Variants in IFT172 observed in about 807,000 individuals in gnomAD.
The protein encoded by IFT172 is intraflagellar transport 172.
A neutral mutation model predicts 248.9 loss-of-function variants in IFT172; 164 were observed. The ratio of observed to expected loss-of-function variants is 0.66; its 90% confidence interval spans 0.58 to 0.75. The LOEUF is 0.75. IFT172 is among the 30% of genes least tolerant of loss of function. The pLI, the probability that IFT172 is intolerant of heterozygous loss-of-function variation, is 0.00. For synonymous variants in IFT172, 729 were observed against 791.6 expected, an observed-to-expected ratio of 0.92 and a Z score of 1.33; for missense variants, 1,950 against 2,192.4, an observed-to-expected ratio of 0.89 and a Z score of 2.21.
Position 27,458,202 on chromosome 2 carries a change from G to A in IFT172, c.2899C>T (p.Pro967Ser), listed in dbSNP as rs1666330287. Reference protein sequence around the residue: ...AHKLAMKCMRPEDVSVLYITQ... With the variant: ...AHKLAMKCMRSEDVSVLYITQ... Reference sequence around the variant, plus strand: ...ATGTATAGCACTGACACATCTTCTGGTCTCATGCATTTCATCGCCAGCTGT... The same window carrying A: ...ATGTATAGCACTGACACATCTTCTGATCTCATGCATTTCATCGCCAGCTGT... Residue 967 changes from proline (P) to serine (S), a missense_variant, in exon 27 of 48, where the codon CCA becomes TCA. Transcript: ENST00000260570. 3.1e-6 allele frequency: 5 copies of A among 1,613,982 alleles called. No homozygotes were observed. Among genetic ancestry groups the A allele is most frequent in the African/African-American group, 1.3e-5 (1 of 74,874 alleles).
chr2:27,444,901 G>C, intron 47 of IFT172, 113 bp downstream of exon 47: 1 of 1,136,644 alleles, frequency 8.8e-7, no homozygotes, highest in Non-Finnish European at 1.2e-6. Flanking sequence ...CGCCCACCTT[G>C]GCCTCCCAAA....
Position 27,454,215 on chromosome 2 carries a change from T to C in IFT172, c.3531-53A>G, listed in dbSNP as rs984642533. On this transcript the variant is annotated intron_variant, in intron 32 of 47. Transcript: ENST00000260570. This position sits in a 1 kb window ranked among gnomAD's most constrained non-coding sequence, Gnocchi z 4.2. ...ACTGAGTATAGGACTGAGGCCCCAA[T>C]AGTGGGAGACAAACAGCCATGTCAC... The C allele has an allele frequency of 3.0e-5, 48 of 1,599,918 alleles. No homozygotes were observed. Among genetic ancestry groups the C allele is most frequent in the Non-Finnish European group, 3.5e-5 (41 of 1,169,452 alleles).
intron 16 of IFT172, among the ~76,000 whole-genome samples, chr2:27,469,740 G>A (rs956168701): frequency 1.3e-5 from 2 of 152,176 alleles, no homozygotes; most frequent in Non-Finnish European, 2.9e-5. Context: ...GCTGAGGCAG[G>A]AGACTCTCTT....
chr2:27,461,240 T>C (rs1346936550), intron 22 of IFT172, 29 bp downstream of exon 22: 1 of 1,613,048 alleles, frequency 6.2e-7, no homozygotes, highest in East Asian at 2.2e-5. Context: ...GCTCTGGAGA[T>C]AAGGGCTAGG....
chr2:27,489,301 CT>C (rs1668991297), intron 1 of IFT172, among the ~76,000 whole-genome samples: 1 of 152,206 alleles, frequency 6.6e-6, no homozygotes, highest in Non-Finnish European at 1.5e-5. Context: ...ATACTCGCTG[CT>C]TACATGTGCA....
chr2:27,470,303 GAGA>G (rs774361470), intron 16 of IFT172, among the ~76,000 whole-genome samples: 22 of 151,658 alleles, frequency 1.5e-4, no homozygotes, highest in Non-Finnish European at 2.6e-4. Context: ...GAGTAAAAGA[GAGA>G]AGGAGAGAAA....
intron 1 of IFT172, among the ~76,000 whole-genome samples, chr2:27,487,567 T>G (rs1023640302): frequency 6.6e-6 from 1 of 152,170 alleles, no homozygotes; most frequent in African/African-American, 2.4e-5. Context: ...ATACAGTTTG[T>G]AAGTGGTAGG....
In IFT172 at chr2:27,478,106, G is replaced by A; in HGVS notation, c.1056C>T (p.His352=). The change falls in exon 11 of 48, where the codon CAC becomes CAT. Residue 352 remains histidine (H), a synonymous_variant. Transcript: ENST00000260570. ...SSGTRVVLKS[H]YGYEVEEVKI... is the part of the protein sequence containing the mutation. ...TCACCTCTTCCACCTCATAGCCATA[G>A]TGTGACTTGAGCACCACTCGGGTTC... is the stretch of plus-strand genomic sequence containing the variant. The A allele has an allele frequency of 1.2e-6, 2 of 1,614,138 alleles. No homozygotes were observed. The highest frequency in any genetic ancestry group is 1.7e-6 in the Non-Finnish European group (2 of 1,180,034).
chr2:27,481,052 T>C lies in IFT172; in HGVS notation c.779A>G (p.Tyr260Cys). Reference sequence around the variant, plus strand: ...AACTGGAAAGGGGACTTACCTGTCATAACTTCCTAGCACAACAGACTGGCC... The same window carrying C: ...AACTGGAAAGGGGACTTACCTGTCACAACTTCCTAGCACAACAGACTGGCC... ...PGGQSVVLGS[Y>C]DRLRVFNWIP... is the part of the protein sequence containing the mutation. The change falls in exon 8 of 48, where the codon TAT becomes TGT. Residue 260 changes from tyrosine (Y) to cysteine (C), a missense_variant. This residue lies in a region of IFT172 where 1,166 missense variants were observed against 1,254.1 expected (regional missense o/e 0.93). Transcript: ENST00000260570. The C allele has an allele frequency of 2.5e-6, 4 of 1,613,438 alleles. No individual in the cohort carries two copies. The highest frequency in any genetic ancestry group is 3.4e-6 in the Non-Finnish European group (4 of 1,179,484).
intron 14 of IFT172, among the ~76,000 whole-genome samples, chr2:27,473,666 G>A (rs983866370): frequency 6.6e-6 from 1 of 151,870 alleles, no homozygotes; most frequent in Non-Finnish European, 1.5e-5. Flanking sequence ...CTAGAGTGGC[G>A]ACGGCCCTAA....
intron 16 of IFT172, among the ~76,000 whole-genome samples, chr2:27,468,893 A>G (rs2148523502): frequency 6.6e-6 from 1 of 151,878 alleles, no homozygotes; most frequent in South Asian, 2.1e-4. Flanking sequence ...AAGAGAAAAG[A>G]CAGATCACCT....
At chr2:27,486,447 C>G (rs1668770463) in intron 1 of IFT172, among the ~76,000 whole-genome samples, 1 of 152,246 alleles carries the variant, frequency 6.6e-6, no homozygotes, top group Non-Finnish European at 1.5e-5. Flanking sequence ...AGCTCTGCTA[C>G]TAAGGGTTTC....
At chr2:27,455,437 G>C (rs558762289) in intron 30 of IFT172, 2 of 233,384 alleles carry the variant, frequency 8.6e-6, no homozygotes, top group East Asian at 3.3e-4. Context: ...TGCCGGGCGC[G>C]GTGGCTCACG....
At position 27,478,005 on chromosome 2, in the gene IFT172, C is replaced by T. The variant is rs137868356; in HGVS notation, c.1157G>A (p.Arg386Gln). The T allele has an allele frequency of 1.6e-5, 26 of 1,613,996 alleles. 1 individual carries two copies. Among genetic ancestry groups the T allele is most frequent in the South Asian group, 1.3e-4 (12 of 91,086 alleles). Residue 386 changes from arginine (R) to glutamine (Q), a missense_variant, in exon 11 of 48, where the codon CGG becomes CAG. By Grantham distance (43) the Arg-to-Gln change is conservative (BLOSUM62 1). Coordinates refer to ENST00000260570, the MANE Select transcript of IFT172 (RefSeq NM_015662.3). Reference sequence around the variant, plus strand: ...AATTTTGGTTCCTACCTCACTAAGCCGATTAGTGTTCAGGTCCCCCAGCAG... The same window carrying T: ...AATTTTGGTTCCTACCTCACTAAGCTGATTAGTGTTCAGGTCCCCCAGCAG... Reference protein sequence around the residue: ...TLLLGDLNTNRLSEIAWQGSG... With the variant: ...TLLLGDLNTNQLSEIAWQGSG...
In IFT172 at chr2:27,456,522, A is replaced by G. The variant is rs780341926; in HGVS notation, c.3360T>C (p.Ala1120=). The change falls in exon 30 of 48, where the codon GCT becomes GCC. Residue 1120 remains alanine, a synonymous_variant. Transcript: ENST00000260570. ...LGLLEAAVDH[A]ADNCSFEFAF... ...GCTTGGGGCCTCACCAATTGTCTGC[A>G]GCGTGGTCAACAGCAGCTTCCAGGA... The G allele has an allele frequency of 6.2e-7, 1 of 1,613,608 alleles. No individual in the cohort carries two copies. Among genetic ancestry groups the G allele is most frequent in the Non-Finnish European group, 8.5e-7 (1 of 1,179,862 alleles).
chr2:27,485,291 G>A, intron 2 of IFT172, 69 bp downstream of exon 2: 2 of 1,603,668 alleles, frequency 1.2e-6, no homozygotes, highest in East Asian at 2.2e-5. Flanking sequence ...CTAGAAGGCA[G>A]ACTACGTCTT....
At position 27,456,623 on chromosome 2, in the gene IFT172, G is replaced by A; in HGVS notation, c.3259C>T (p.His1087Tyr). Residue 1087 changes from histidine (H) to tyrosine (Y), a missense_variant, in exon 30 of 48, where the codon CAC becomes TAC. By Grantham distance (83) the His-to-Tyr change is moderately conservative (BLOSUM62 2). Transcript: ENST00000260570. ...GCCCACAGATAGGCCACGTGTTTGTGGGCATTAGCCCCTCCTTGAGTTCTG... is the reference window on the plus strand; with the variant it reads ...GCCCACAGATAGGCCACGTGTTTGTAGGCATTAGCCCCTCCTTGAGTTCTG... The part of the protein sequence containing the change: ...VARTQGGANA[H>Y]KHVAYLWAKS... 1 of 1,614,056 alleles carries A rather than the reference G, an allele frequency of 6.2e-7. No homozygotes were observed. Among genetic ancestry groups the A allele is most frequent in the African/African-American group, 1.3e-5 (1 of 75,022 alleles).
At chr2:27,449,974 G>A (rs377525072) in intron 36 of IFT172, 24 bp downstream of exon 36, 12 of 1,586,602 alleles carry the variant, frequency 7.6e-6, no homozygotes, top group Admixed American at 1.7e-5. Context: ...ATCTATTTCT[G>A]TTCCATCTCA....
At chr2:27,484,952 G>A in intron 3 of IFT172, 66 bp downstream of exon 3, 2 of 920,478 alleles carry the variant, frequency 2.2e-6, no homozygotes, top group Non-Finnish European at 3.6e-6. Context: ...CCCCTCCCCA[G>A]TGAGGCATTT....
Sources: allele counts gnomAD v4.1 joint callset (sites outside exome capture counted in the v4.1 genomes callset), GRCh38; gene constraint gnomAD v4.1.1; regional missense constraint gnomAD v4.1.1; non-coding constraint Gnocchi (gnomAD v3.1); transcripts MANE v1.5; gene names NCBI Gene and HGNC (gene_info 2026-07-23, HGNC 2026-07-21).